The following PRELID2 variants were observed in gnomAD, a reference collection of about 807,000 sequenced individuals.
PRELID2 encodes PRELI domain containing 2.
Under a neutral mutation model 28.4 loss-of-function variants are expected in PRELID2, and 25 were observed. That is an observed-to-expected ratio of 0.88 (90% CI 0.64 to 1.23). The LOEUF (loss-of-function observed/expected upper bound fraction) is 1.23. Ranked by LOEUF, PRELID2 falls within the 50% of genes most tolerant of loss-of-function variation. The pLI is 0.00. For missense variants in PRELID2, 201 were observed against 214.4 expected (o/e 0.94, Z 0.39); for synonymous variants, 76 against 71.6 (o/e 1.06, Z -0.31).
chr5:145,537,141 A>C (rs1431283653), intron 1 of PRELID2, among the ~76,000 whole-genome samples: 1 of 151,912 alleles, frequency 6.6e-6, no homozygotes, highest in Non-Finnish European at 1.5e-5. Context: ...GATTTTGTAA[A>C]CTGCATGTTT....
At chr5:145,230,104 A>C in the PRELID2 span, 21,762 of 609,196 alleles carry the variant, frequency 0.036, 834 homozygotes, top group African/African-American at 0.14. Flanking sequence ...AGATCCCCCA[A>C]GTACAGGTGC....
intron 5 of PRELID2, among the ~76,000 whole-genome samples, chr5:145,793,911 T>C (rs1223548587): frequency 2.0e-5 from 3 of 152,056 alleles, no homozygotes; most frequent in Non-Finnish European, 4.4e-5. Context: ...CCACAACCCC[T>C]TCCCCTGAGA....
the PRELID2 span, among the ~76,000 whole-genome samples, chr5:145,386,769 T>C: frequency 6.6e-6 from 1 of 152,214 alleles, no homozygotes; most frequent in African/African-American, 2.4e-5. Flanking sequence ...ATAGAATAAA[T>C]TCTTAACACT....
the PRELID2 span, among the ~76,000 whole-genome samples, chr5:145,386,522 C>T: frequency 6.6e-6 from 1 of 152,136 alleles, no homozygotes; most frequent in Non-Finnish European, 1.5e-5. Context: ...CCTTCCCCTT[C>T]CATCATGATT....
At chr5:145,764,665 GC>G (rs1757637578) in intron 6 of PRELID2, among the ~76,000 whole-genome samples, 1 of 152,138 alleles carries the variant, frequency 6.6e-6, no homozygotes, top group Admixed American at 6.5e-5. Flanking sequence ...ACACCTTGAG[GC>G]TCTCAATCAT....
intron 1 of PRELID2, among the ~76,000 whole-genome samples, chr5:145,666,760 G>A (rs539139750): frequency 6.6e-6 from 1 of 152,182 alleles, no homozygotes; most frequent in East Asian, 1.9e-4. Flanking sequence ...AGCTTGCAGA[G>A]ACAAGCATTT....
chr5:145,657,317 A>G (rs1754413709), intron 1 of PRELID2, among the ~76,000 whole-genome samples: 1 of 152,202 alleles, frequency 6.6e-6, no homozygotes, highest in Non-Finnish European at 1.5e-5. Flanking sequence ...AGTTTTCAAA[A>G]AAATAAATAA....
At chr5:145,413,212 A>G in the PRELID2 span, among the ~76,000 whole-genome samples, 290 of 152,322 alleles carry the variant, frequency 1.9e-3, 3 homozygotes, top group African/African-American at 6.6e-3. Flanking sequence ...AACAAGATGT[A>G]CAAATAAAAA....
At chr5:145,439,609 T>G in the PRELID2 span, among the ~76,000 whole-genome samples, 1 of 152,070 alleles carries the variant, frequency 6.6e-6, no homozygotes, top group Non-Finnish European at 1.5e-5. Flanking sequence ...CTCCCTATCT[T>G]GACTGCTGGC....
chr5:145,443,726 A>G, the PRELID2 span, among the ~76,000 whole-genome samples: 2 of 152,208 alleles, frequency 1.3e-5, no homozygotes, highest in East Asian at 3.9e-4. Context: ...TGCCGTCAGC[A>G]CAACACAGCT....
At chr5:145,743,416 A>C (rs1277944252) in intron 1 of PRELID2, among the ~76,000 whole-genome samples, 21 of 148,476 alleles carry the variant, frequency 1.4e-4, no homozygotes, top group Non-Finnish European at 2.7e-4. Flanking sequence ...TGCGGCAAAA[A>C]AAAAAAAAAA....
At chr5:145,405,920 G>A in the PRELID2 span, among the ~76,000 whole-genome samples, 94 of 151,928 alleles carry the variant, frequency 6.2e-4, no homozygotes, top group African/African-American at 2.2e-3. Context: ...TTAGCCAGGA[G>A]GGTCTCAATC....
the PRELID2 span, among the ~76,000 whole-genome samples, chr5:145,259,833 C>T: frequency 2.0e-5 from 3 of 152,216 alleles, no homozygotes; most frequent in Admixed American, 6.5e-5. Flanking sequence ...GTGAGAAGAA[C>T]ATGAGATTTG....
chr5:145,617,511 AT>A (rs1237196535), intron 1 of PRELID2, among the ~76,000 whole-genome samples: 1 of 152,164 alleles, frequency 6.6e-6, no homozygotes, highest in Non-Finnish European at 1.5e-5. Flanking sequence ...AGGTTGGGTC[AT>A]TTATCGTAAT....
At chr5:145,514,318 C>CAAAAAAA (rs55760860) in intron 1 of PRELID2, among the ~76,000 whole-genome samples, 5 of 67,496 alleles carry the variant, frequency 7.4e-5, no homozygotes, top group African/African-American at 2.8e-4. Context: ...AAATGGAAAG[C>CAAAAAAA]AAAAAAAAAA....
At chr5:145,488,881 T>TTTCAGAA (rs1473347507) in intron 1 of PRELID2, among the ~76,000 whole-genome samples, 2 of 152,188 alleles carry the variant, frequency 1.3e-5, no homozygotes, top group Non-Finnish European at 2.9e-5. Context: ...ACCTGTTTGT[T>TTTCAGAA]TTCAGAATTT....
chr5:145,422,289 C>G, the PRELID2 span, among the ~76,000 whole-genome samples: 11 of 150,982 alleles, frequency 7.3e-5, no homozygotes, highest in Non-Finnish European at 1.2e-4. Flanking sequence ...GGGTATCCTT[C>G]TTGACTTTCT....
At chr5:145,481,622 T>TAAA (rs1752160032) in intron 1 of PRELID2, among the ~76,000 whole-genome samples, 1 of 2,234 alleles carries the variant, frequency 4.5e-4, no homozygotes, top group Non-Finnish European at 7.5e-4. Flanking sequence ...AGCAAGGAAA[T>TAAA]CAAAAAAAAA....
the PRELID2 span, among the ~76,000 whole-genome samples, chr5:145,405,170 T>C: frequency 6.6e-6 from 1 of 152,112 alleles, no homozygotes; most frequent in Non-Finnish European, 1.5e-5. Context: ...TTAGAAAATA[T>C]AATTAAAAAC....
Sources: allele counts gnomAD v4.1 joint callset (sites outside exome capture counted in the v4.1 genomes callset), GRCh38; gene constraint gnomAD v4.1.1; transcripts MANE v1.5; gene names NCBI Gene and HGNC (gene_info 2026-07-23, HGNC 2026-07-21).